Variants in BRIP1 observed in about 807,000 individuals in gnomAD.
The protein encoded by BRIP1 is BRCA1 interacting DNA helicase 1, also known as Fanconi anemia group J protein.
BRIP1 carries 88 observed loss-of-function variants against 119.7 expected under a neutral mutation model. The ratio of observed to expected loss-of-function variants is 0.74; its 90% confidence interval spans 0.62 to 0.88. BRIP1 has a LOEUF of 0.88. Among genes scored for constraint, BRIP1 ranks in the 40% least tolerant of loss-of-function variants. BRIP1 has a pLI of 0.00. For missense variants in BRIP1, 1,259 were observed against 1,455.4 expected (o/e 0.87, Z 2.20); for synonymous variants, 443 against 496.5 (o/e 0.89, Z 1.43).
rs1383618909 is a variant in BRIP1, at chr17:61,731,983, T to A, written c.2379+11030A>T. Among the ~76,000 whole-genome samples the A allele has an allele frequency of 3.1e-4, 40 of 129,642 alleles. 1 individual carries two copies. Among genetic ancestry groups the A allele is most frequent in the African/African-American group, 1.1e-3 (38 of 33,114 alleles). 85.1% of individuals were successfully genotyped at this position (129,642 alleles called of 152,430 possible). ...TTCTTTTCTTTCTTTCTTTCTTTCTTTTTTTTTTTTTTTTTTTTTTGAGAC... is the reference window on the plus strand; with the variant it reads ...TTCTTTTCTTTCTTTCTTTCTTTCTATTTTTTTTTTTTTTTTTTTTGAGAC... On this transcript the variant is annotated intron_variant, in intron 16 of 19. Transcript: ENST00000259008.
rs901983018 is a variant in BRIP1 at position 61,823,023 on chromosome 17, A to G, written c.628-14266T>C. ...CACTGAGTAACAAGGAGAATCTGAC[A>G]TTTTTACTGCCCTGATGTGTGCCTA... On this transcript the variant is annotated intron_variant, in intron 6 of 19. Transcript: ENST00000259008. This position sits in a 1 kb window ranked among gnomAD's most constrained non-coding sequence, Gnocchi z 4.8. 3.3e-5 allele frequency among the ~76,000 whole-genome samples: 5 copies of G among 152,190 alleles called. No homozygotes were observed. The highest frequency in any genetic ancestry group is 3.3e-4 in the Admixed American group (5 of 15,284).
At chr17:61,781,430 A>C (rs779386479) in intron 11 of BRIP1, among the ~76,000 whole-genome samples, 2 of 152,154 alleles carry the variant, frequency 1.3e-5, no homozygotes, top group Non-Finnish European at 2.9e-5. Context: ...TTTTTTATTA[A>C]ATGAGAAAAT....
Position 61,724,486 on chromosome 17 carries a change from T to G in BRIP1, c.2380-8423A>C, listed in dbSNP as rs1028871476. On this transcript the variant is annotated intron_variant, in intron 16 of 19. Transcript: ENST00000259008. The surrounding 1 kb of genome is among the most constrained non-coding windows in gnomAD (Gnocchi z 5.1). ...TTTTTCAACTTTCAGTCAAACTCTTTGCACAAAAGTAGCCTTTTTAAAGTT... is the reference window on the plus strand; with the variant it reads ...TTTTTCAACTTTCAGTCAAACTCTTGGCACAAAAGTAGCCTTTTTAAAGTT... Among the ~76,000 whole-genome samples the G allele has an allele frequency of 9.8e-5, 15 of 152,288 alleles. No individual in the cohort carries two copies. In the South Asian group the frequency reaches 1.5e-3, roughly 15 times the overall value.
At position 61,684,201 on chromosome 17, in the gene BRIP1, T is replaced by C. The variant is rs797045415; in HGVS notation, c.2906-61A>G. On this transcript the variant is annotated intron_variant, in intron 19 of 19. Coordinates refer to ENST00000259008, the MANE Select transcript of BRIP1 (RefSeq NM_032043.3). This position sits in a 1 kb window ranked among gnomAD's most constrained non-coding sequence, Gnocchi z 4.5. ...GCTCCTAGCTAACATAATTGCTAGG[T>C]TAAAATAATTATTTATTAGAAATAC... 1.7e-5 allele frequency: 26 copies of C among 1,537,618 alleles called. No homozygotes were observed. Among genetic ancestry groups the C allele is most frequent in the Non-Finnish European group, 2.3e-5 (26 of 1,122,702 alleles).
chr17:61,823,721 A>G lies in BRIP1; in HGVS notation c.628-14964T>C, dbSNP rs2078360071. The stretch of plus-strand genomic sequence containing the variant: ...AATTTGATGAAAACTATAAAACCAT[A>G]GATCCAAAAAGCTCAATGACCCCAA... On this transcript the variant is annotated intron_variant, in intron 6 of 19. Coordinates refer to ENST00000259008, the MANE Select transcript of BRIP1 (RefSeq NM_032043.3). The surrounding 1 kb of genome is among the most constrained non-coding windows in gnomAD (Gnocchi z 4.8). Among the ~76,000 whole-genome samples, 1 of 151,976 alleles carries G rather than the reference A, an allele frequency of 6.6e-6. No homozygotes were observed. The highest frequency in any genetic ancestry group is 1.5e-5 in the Non-Finnish European group (1 of 67,994).
At position 61,754,331 on chromosome 17, in the gene BRIP1, T is replaced by A. The variant is rs2077172428; in HGVS notation, c.2098-9740A>T. Among the ~76,000 whole-genome samples, 1 of 152,160 alleles carries A rather than the reference T, an allele frequency of 6.6e-6. No homozygotes were observed. ...CTCCTGTCTCAAGATTCCCACTATC[T>A]GAACATTCTTCCCCCTAAATCAGAA... On this transcript the variant is annotated intron_variant, in intron 14 of 19. Transcript: ENST00000259008. The surrounding 1 kb of genome is among the most constrained non-coding windows in gnomAD (Gnocchi z 4.1).
Position 61,680,511 on chromosome 17 carries a change from G to A in BRIP1, c.*2785C>T, listed in dbSNP as rs2061257232. Among the ~76,000 whole-genome samples the A allele has an allele frequency of 8.5e-6, 1 of 118,302 alleles. No homozygotes were observed. The highest frequency in any genetic ancestry group is 2.6e-4 in the South Asian group (1 of 3,820). 77.6% of individuals were successfully genotyped at this position (118,302 alleles called of 152,430 possible). A position where few individuals can be genotyped will look rare whatever the true frequency, so the allele number is the denominator to read the frequency against. ...TTTTTTTTTTTTGAGACGGAGTCCC[G>A]CTCTGTCGCCCAGGCTGGAGTGCAG... On this transcript the variant is annotated 3_prime_UTR_variant, in exon 20 of 20. Coordinates refer to ENST00000259008, the MANE Select transcript of BRIP1 (RefSeq NM_032043.3).
chr17:61,840,350 C>T (rs1163931535), intron 6 of BRIP1, among the ~76,000 whole-genome samples: 1 of 84,224 alleles, frequency 1.2e-5, no homozygotes, highest in Non-Finnish European at 2.3e-5. Flanking sequence ...GGGGAGACTC[C>T]GTCTCAAAAA....
rs1445271627 is a variant in BRIP1, at chr17:61,862,432, T to C, written c.-31+852A>G. ...AATACTACTACTTACCTGACAGGGT[T>C]TTTATGAAAATTAGCCAGGGCAGAA... On this transcript the variant is annotated intron_variant, in intron 1 of 19. Coordinates refer to ENST00000259008, the MANE Select transcript of BRIP1 (RefSeq NM_032043.3). This position sits in a 1 kb window ranked among gnomAD's most constrained non-coding sequence, Gnocchi z 5.3. Among the ~76,000 whole-genome samples, 1 of 152,202 alleles carries C rather than the reference T, an allele frequency of 6.6e-6. No individual in the cohort carries two copies.
At chr17:61,728,809 G>C (rs1057303782) in intron 16 of BRIP1, among the ~76,000 whole-genome samples, 2 of 152,130 alleles carry the variant, frequency 1.3e-5, no homozygotes, top group East Asian at 1.9e-4. Context: ...AGAAGATCAG[G>C]AGGCTCCAGA....
In BRIP1 at chr17:61,796,830, A is replaced by C. The variant is rs2077907275; in HGVS notation, c.1340+2270T>G. Among the ~76,000 whole-genome samples the C allele has an allele frequency of 2.6e-5, 4 of 152,042 alleles. No homozygotes were observed. Among genetic ancestry groups the C allele is most frequent in the African/African-American group, 9.7e-5 (4 of 41,420 alleles). ...AGAAGACTGTAGGATGATAGATATG[A>C]ACAATCAATGATATTGAGGAATTGG... On this transcript the variant is annotated intron_variant, in intron 9 of 19. Coordinates refer to ENST00000259008, the MANE Select transcript of BRIP1 (RefSeq NM_032043.3). This position sits in a 1 kb window ranked among gnomAD's most constrained non-coding sequence, Gnocchi z 4.8.
At position 61,768,728 on chromosome 17, in the gene BRIP1, G is replaced by A. The variant is rs368226922; in HGVS notation, c.2097+7673C>T. ...ATACAACCTGCATAAACTTCTCCCC[G>A]TTGTGAGATAAAAATAAGACTTTAC... is the stretch of plus-strand genomic sequence containing the variant. On this transcript the variant is annotated intron_variant, in intron 14 of 19. Coordinates refer to ENST00000259008, the MANE Select transcript of BRIP1 (RefSeq NM_032043.3). The surrounding 1 kb of genome is among the most constrained non-coding windows in gnomAD (Gnocchi z 5.0). Among the ~76,000 whole-genome samples the A allele has an allele frequency of 3.9e-5, 6 of 151,948 alleles. No homozygotes were observed. The highest frequency in any genetic ancestry group is 9.7e-5 in the African/African-American group (4 of 41,348).
In BRIP1 at chr17:61,823,499, A is replaced by G. The variant is rs2145558424; in HGVS notation, c.628-14742T>C. Among the ~76,000 whole-genome samples the G allele has an allele frequency of 6.6e-6, 1 of 152,326 alleles. No homozygotes were observed. Among genetic ancestry groups the G allele is most frequent in the Non-Finnish European group, 1.5e-5 (1 of 68,028 alleles). Reference sequence around the variant, plus strand: ...GATTTAACACCAAATTAGAAATAGCAGAAGAGATCAAGGAGCTTGACAAAT... The same window carrying G: ...GATTTAACACCAAATTAGAAATAGCGGAAGAGATCAAGGAGCTTGACAAAT... On this transcript the variant is annotated intron_variant, in intron 6 of 19. Transcript: ENST00000259008. The surrounding 1 kb of genome is among the most constrained non-coding windows in gnomAD (Gnocchi z 4.8).
At chr17:61,763,417 T>C (rs1342256757) in intron 14 of BRIP1, among the ~76,000 whole-genome samples, 2 of 152,142 alleles carry the variant, frequency 1.3e-5, no homozygotes, top group Non-Finnish European at 2.9e-5. Context: ...ATGTGACCTA[T>C]GGTATTCTCT....
Position 61,851,592 on chromosome 17 carries a change from A to G in BRIP1, c.380-2336T>C, listed in dbSNP as rs1458442323. Among the ~76,000 whole-genome samples the G allele has an allele frequency of 6.6e-6, 1 of 152,158 alleles. No individual in the cohort carries two copies. The highest frequency in any genetic ancestry group is 2.4e-5 in the African/African-American group (1 of 41,436). ...TTCTGGATACATGTGGGACCAAATT[A>G]GGGTTCTCTATACTTTTATATGAGT... On this transcript the variant is annotated intron_variant, in intron 4 of 19. Transcript: ENST00000259008. This position sits in a 1 kb window ranked among gnomAD's most constrained non-coding sequence, Gnocchi z 4.6.
In BRIP1 at chr17:61,742,923, A is replaced by C; in HGVS notation, c.2379+90T>G. The C allele has an allele frequency of 2.0e-6, 3 of 1,495,258 alleles. No homozygotes were observed. The highest frequency in any genetic ancestry group is 2.8e-6 in the Non-Finnish European group (3 of 1,076,702). The allele number at this position is 1,495,258 out of a possible 1,614,324, so 92.6% of individuals were successfully genotyped here. ...TTTGTAAAAAAGCACTATAAAAGCAAAGCGCAATAAAATGAGGGATCCCTG... is the reference window on the plus strand; with the variant it reads ...TTTGTAAAAAAGCACTATAAAAGCACAGCGCAATAAAATGAGGGATCCCTG... On this transcript the variant is annotated intron_variant, in intron 16 of 19. Transcript: ENST00000259008. This position sits in a 1 kb window ranked among gnomAD's most constrained non-coding sequence, Gnocchi z 4.7.
In BRIP1 at chr17:61,693,602, C is replaced by A; in HGVS notation, c.2493-90G>T. ...GACAGACAGAAAATTGGAAAAAAAT[C>A]AATTTTATAGATTCCTTTAAACAAT... On this transcript the variant is annotated intron_variant, in intron 17 of 19. Coordinates refer to ENST00000259008, the MANE Select transcript of BRIP1 (RefSeq NM_032043.3). This position sits in a 1 kb window ranked among gnomAD's most constrained non-coding sequence, Gnocchi z 4.2. The A allele has an allele frequency of 1.9e-6, 2 of 1,076,880 alleles. No homozygotes were observed. The highest frequency in any genetic ancestry group is 2.6e-5 in the South Asian group (2 of 77,518). The allele number at this position is 1,076,880 out of a possible 1,614,324, so 66.7% of individuals were successfully genotyped here. A position where few individuals can be genotyped will look rare whatever the true frequency, so the allele number is the denominator to read the frequency against.
At chr17:61,763,149 T>G (rs986614192) in intron 14 of BRIP1, among the ~76,000 whole-genome samples, 9 of 152,152 alleles carry the variant, frequency 5.9e-5, no homozygotes, top group African/African-American at 2.2e-4. Flanking sequence ...CTCATATAAG[T>G]GTAATAGTGT....
Position 61,748,710 on chromosome 17 carries a change from T to A in BRIP1, c.2098-4119A>T, listed in dbSNP as rs187799596. Among the ~76,000 whole-genome samples the A allele has an allele frequency of 2.9e-4, 44 of 152,244 alleles. No homozygotes were observed. Among genetic ancestry groups the A allele is most frequent in the African/African-American group, 7.7e-4 (32 of 41,542 alleles). On this transcript the variant is annotated intron_variant, in intron 14 of 19. Coordinates refer to ENST00000259008, the MANE Select transcript of BRIP1 (RefSeq NM_032043.3). This position sits in a 1 kb window ranked among gnomAD's most constrained non-coding sequence, Gnocchi z 4.7. ...CTTCAGCAAGGGTGCCAAAAATACA[T>A]AATGGGGAAAGGACAGTCTCTTCAA...
Sources: gnomAD v4.1 joint callset for allele counts (sites outside exome capture counted in the v4.1 genomes callset) on GRCh38, gnomAD v4.1.1 for gene constraint, Gnocchi (gnomAD v3.1) non-coding constraint, MANE v1.5 for transcripts, NCBI Gene and HGNC (gene_info 2026-07-23, HGNC 2026-07-21) for gene names.